The following SPDYE4 variants were observed in gnomAD, a reference collection of about 807,000 sequenced individuals.
SPDYE4 encodes the protein speedy protein E4.
A neutral mutation model predicts 37.5 loss-of-function variants in SPDYE4; 30 were observed. The observed-to-expected ratio is 0.80, with a 90% CI of 0.60 to 1.09. The LOEUF (loss-of-function observed/expected upper bound fraction) is 1.09. Among genes scored for constraint, SPDYE4 ranks in the 50% least tolerant of loss-of-function variants. The pLI is 0.00. For missense variants in SPDYE4, 300 were observed against 307.9 expected, an observed-to-expected ratio of 0.97 and a Z score of 0.19; for synonymous variants, 131 against 120.3, an observed-to-expected ratio of 1.09 and a Z score of -0.58.
intron 3 of SPDYE4, among the ~76,000 whole-genome samples, chr17:8,756,030 G>C (rs1399273743): frequency 1.3e-5 from 2 of 152,148 alleles, no homozygotes; most frequent in African/African-American, 4.8e-5. Context: ...GGCTACCAGA[G>C]CCCCGAGGGA....
intron 3 of SPDYE4, 77 bp downstream of exon 3, chr17:8,756,301 C>A: frequency 7.3e-7 from 1 of 1,369,188 alleles, no homozygotes; most frequent in Non-Finnish European, 1.0e-6. Context: ...AGGAGAGAAA[C>A]TGTGGGTTTA....
chr17:8,756,608 G>A (rs529624032), intron 2 of SPDYE4, among the ~76,000 whole-genome samples, 172 bp from the exon 3 acceptor site: 6 of 152,310 alleles, frequency 3.9e-5, no homozygotes, highest in East Asian at 1.9e-4. Context: ...GGAGGCTCCC[G>A]CTCTGAGATT....
chr17:8,756,097 G>C lies in SPDYE4; in HGVS notation c.399+281C>G, dbSNP rs547238405. 5.3e-5 allele frequency among the ~76,000 whole-genome samples: 8 copies of C among 152,250 alleles called. No individual in the cohort carries two copies. The South Asian group carries it at 1.7e-3, about 32-fold the overall frequency. On this transcript the variant is annotated intron_variant, in intron 3 of 6. Coordinates refer to ENST00000689094, the MANE Select transcript of SPDYE4 (RefSeq NM_001394956.1). ...AGCTGGGGGCGGTGACTCACGCCTG[G>C]AGTCCCAGCTATTGGAGAGGCCGAG...
intron 3 of SPDYE4, 101 bp from the exon 4 acceptor site, chr17:8,755,706 T>A (rs1490150699): frequency 7.1e-7 from 1 of 1,407,976 alleles, no homozygotes; most frequent in Non-Finnish European, 9.9e-7. Flanking sequence ...CGGTTGTCTA[T>A]CACAGAAGGA....
Position 8,755,019 on chromosome 17 carries a change from G to C in SPDYE4, c.485+501C>G, listed in dbSNP as rs189542019. Among the ~76,000 whole-genome samples, 19 of 152,332 alleles carry C rather than the reference G, an allele frequency of 1.2e-4. No individual in the cohort carries two copies. In the East Asian group the frequency reaches 2.5e-3, roughly 20 times the overall value. ...AGGTTGTTCAGGTGGGCAGTGAAGG[G>C]GGGGTGGGAGCTGTGCTTTGGAAAG... is the stretch of plus-strand genomic sequence containing the variant. On this transcript the variant is annotated intron_variant, in intron 4 of 6. Transcript: ENST00000689094.
chr17:8,753,855 C>T (rs2086750806), intron 4 of SPDYE4, among the ~76,000 whole-genome samples: 2 of 152,084 alleles, frequency 1.3e-5, no homozygotes, highest in Non-Finnish European at 2.9e-5. Flanking sequence ...AAGGATGTGT[C>T]CTGCCATCCT....
At chr17:8,757,617 C>A (rs2086784678) in intron 1 of SPDYE4, 125 bp from the exon 2 acceptor site, 1 of 973,588 alleles carries the variant, frequency 1.0e-6, no homozygotes, top group Non-Finnish European at 1.5e-6. Context: ...CTTCTCCAAG[C>A]CATGTTTCCA....
chr17:8,753,171 C>A lies in SPDYE4; in HGVS notation c.681G>T (p.Trp227Cys). The A allele has an allele frequency of 1.2e-6, 2 of 1,614,074 alleles. No homozygotes were observed. Among genetic ancestry groups the A allele is most frequent in the South Asian group, 1.1e-5 (1 of 91,072 alleles). ...EEIQAYDPEHWVWARDRTLIS is the reference protein window; with the variant it reads ...EEIQAYDPEHCVWARDRTLIS The stretch of plus-strand genomic sequence containing the variant: ...TGAGGGTGCGATCTCGGGCCCACAC[C>A]CAGTGCTCTGGGTCATAAGCCTGGA... Residue 227 changes from tryptophan (W) to cysteine (C), a missense_variant, in exon 6 of 7, where the codon TGG becomes TGT. Physicochemically the swap from Trp to Cys is radical, Grantham distance 215. Transcript: ENST00000689094.
downstream of SPDYE4, among the ~76,000 whole-genome samples, chr17:8,748,262 T>C (rs1455125362): frequency 2.0e-5 from 3 of 152,264 alleles, no homozygotes; most frequent in African/African-American, 4.8e-5. Context: ...ATAGCTTTAG[T>C]GCCCTTTTAA....
At chr17:8,755,632 GAGAA>G in intron 3 of SPDYE4, 27 bp from the exon 4 acceptor site, 1 of 1,609,196 alleles carries the variant, frequency 6.2e-7, no homozygotes, top group Non-Finnish European at 8.5e-7. Flanking sequence ...AGTAGAGAGA[GAGAA>G]AGGTTGGTCA....
rs116971083 is a variant in SPDYE4, at chr17:8,754,877, C to T, written c.485+643G>A. On this transcript the variant is annotated intron_variant, in intron 4 of 6. Coordinates refer to ENST00000689094, the MANE Select transcript of SPDYE4 (RefSeq NM_001394956.1). Reference sequence around the variant, plus strand: ...AGTGGAGGGCATTTGGAAGGAGTGGCGAAAGCAAACAAGGAAAGATGAAGA... The same window carrying T: ...AGTGGAGGGCATTTGGAAGGAGTGGTGAAAGCAAACAAGGAAAGATGAAGA... 2.7e-3 allele frequency among the ~76,000 whole-genome samples: 412 copies of T among 152,154 alleles called. 6 individuals are homozygous for T. The East Asian group carries it at 0.037, about 14-fold the overall frequency.
In SPDYE4 at chr17:8,758,503, G is replaced by A; in HGVS notation, c.-121C>T. 2.1e-6 allele frequency: 2 copies of A among 939,468 alleles called. No homozygotes were observed. The highest frequency in any genetic ancestry group is 2.2e-5 in the Admixed American group (1 of 44,714). The allele number at this position is 939,468 out of a possible 1,614,324, so 58.2% of individuals were successfully genotyped here. ...TTTCTCTTCTAGAGGCTCGGGAGAA[G>A]TTAGGAGTGAAGAGTAGTTCTGAGA... On this transcript the variant is annotated 5_prime_UTR_variant, in exon 1 of 7. Transcript: ENST00000689094.
chr17:8,753,171 C>T lies in SPDYE4; in HGVS notation c.681G>A (p.Trp227Ter). The T allele has an allele frequency of 6.2e-7, 1 of 1,614,074 alleles. No homozygotes were observed. The highest frequency in any genetic ancestry group is 8.5e-7 in the Non-Finnish European group (1 of 1,180,022). Residue 227 changes from tryptophan (W) to a stop codon, truncating the protein, a stop_gained, in exon 6 of 7, where the codon TGG (tryptophan) becomes TGA (stop). Transcript: ENST00000689094. LOFTEE classifies it high-confidence loss of function. ...TGAGGGTGCGATCTCGGGCCCACAC[C>T]CAGTGCTCTGGGTCATAAGCCTGGA... ...EEIQAYDPEH[W>*]VWARDRTLIS
chr17:8,756,278 G>T, intron 3 of SPDYE4, 100 bp downstream of exon 3: 2 of 1,104,738 alleles, frequency 1.8e-6, no homozygotes, highest in Non-Finnish European at 1.3e-6. Context: ...GGTGGGAGAT[G>T]GTAGAGGGAG....
At chr17:8,755,491 T>C in intron 4 of SPDYE4, 29 bp downstream of exon 4, 1 of 1,606,160 alleles carries the variant, frequency 6.2e-7, no homozygotes. Context: ...TGTTGGATAT[T>C]GACAGATGGG....
intron 3 of SPDYE4, 138 bp downstream of exon 3, chr17:8,756,240 G>A (rs2086771048): frequency 1.3e-6 from 1 of 779,544 alleles, no homozygotes; most frequent in African/African-American, 1.7e-5. Flanking sequence ...AAATCAAAAT[G>A]TGGGCGCCCA....
intron 1 of SPDYE4, among the ~76,000 whole-genome samples, chr17:8,757,966 A>G (rs1460553670): frequency 6.6e-6 from 1 of 152,040 alleles, no homozygotes; most frequent in Non-Finnish European, 1.5e-5. Flanking sequence ...TATTTTTGGT[A>G]GAGACAGGGT....
At chr17:8,750,086 A>G (rs1485843131), downstream of SPDYE4, among the ~76,000 whole-genome samples, 1 of 152,136 alleles carries the variant, frequency 6.6e-6, no homozygotes, top group African/African-American at 2.4e-5. Flanking sequence ...CCTGTCATAA[A>G]TAGTTTTACT....
chr17:8,757,700 A>G (rs562436123), intron 1 of SPDYE4, among the ~76,000 whole-genome samples: 41 of 151,328 alleles, frequency 2.7e-4, no homozygotes, highest in Admixed American at 2.5e-3. Context: ...TCCTCAAAAC[A>G]TTTCCTCATC....
Sources: allele counts gnomAD v4.1 joint callset (sites outside exome capture counted in the v4.1 genomes callset), GRCh38; gene constraint gnomAD v4.1.1; transcripts MANE v1.5; gene names NCBI Gene and HGNC (gene_info 2026-07-23, HGNC 2026-07-21).